PRKN: variants seen among roughly 807,000 people sequenced by gnomAD.
PRKN encodes the protein E3 ubiquitin-protein ligase parkin.
Under a neutral mutation model 59.5 loss-of-function variants are expected in PRKN, and 56 were observed. That is an observed-to-expected ratio of 0.94 (90% CI 0.76 to 1.18). The LOEUF (loss-of-function observed/expected upper bound fraction) is 1.18, where lower values mean the gene tolerates loss of function less well. PRKN is among the 50% of genes most tolerant of loss of function. The probability of loss-of-function intolerance (pLI) is 0.00; values close to 1 mark genes in which losing one functional copy is unlikely to be tolerated. For synonymous variants in PRKN, 250 were observed against 222.1 expected (o/e 1.13, Z -1.12); for missense variants, 657 against 596.4 (o/e 1.10, Z -1.06).
intron 7 of PRKN, among the ~76,000 whole-genome samples, chr6:161,672,331 T>C (rs1784938512): frequency 6.6e-6 from 1 of 152,184 alleles, no homozygotes; most frequent in South Asian, 2.1e-4. Context: ...ATAATAAAAC[T>C]TTATGCCCAT....
chr6:161,770,292 C>T (rs1252688839), intron 7 of PRKN, among the ~76,000 whole-genome samples: 1 of 152,116 alleles, frequency 6.6e-6, no homozygotes, highest in African/African-American at 2.4e-5. Flanking sequence ...AGAGGGCTCA[C>T]GTTCAATAGG....
At chr6:161,486,595 C>T (rs1184761155) in intron 9 of PRKN, among the ~76,000 whole-genome samples, 1 of 152,116 alleles carries the variant, frequency 6.6e-6, no homozygotes, top group South Asian at 2.1e-4. Context: ...TTTAAGCCTG[C>T]GTTCTTTTTG....
Position 161,808,034 on chromosome 6 carries a change from T to A in PRKN, c.735-22126A>T, listed in dbSNP as rs562106245. ...AGTTCCTGTATTGTGCGATCTTGAA[T>A]TTTCCAGAGTAATTGACTTAATCTA... is the stretch of plus-strand genomic sequence containing the variant. On this transcript the variant is annotated intron_variant, in intron 6 of 11. Transcript: ENST00000366898. Among the ~76,000 whole-genome samples the A allele has an allele frequency of 2.6e-5, 4 of 152,286 alleles. No individual in the cohort carries two copies. In the South Asian group the frequency reaches 8.3e-4, roughly 32 times the overall value.
intron 6 of PRKN, among the ~76,000 whole-genome samples, chr6:161,858,858 C>CTTTTGTTTTTT (rs1793765586): frequency 1.4e-5 from 1 of 71,936 alleles, no homozygotes; most frequent in Non-Finnish European, 2.7e-5. Context: ...CACAGCTGTA[C>CTTTTGTTTTTT]TTTTTTTTTT....
Position 162,119,330 on chromosome 6 carries a change from C to T in PRKN, c.535-65156G>A, listed in dbSNP as rs1425344618. The stretch of plus-strand genomic sequence containing the variant: ...CAGGGAAAGGACTGTGAATAAGCTG[C>T]CAACCTGTGTTTTGCCTTGAAGGCT... On this transcript the variant is annotated intron_variant, in intron 4 of 11. Transcript: ENST00000366898. Among the ~76,000 whole-genome samples, 5 of 152,188 alleles carry T rather than the reference C, an allele frequency of 3.3e-5. No individual in the cohort carries two copies. The East Asian group carries it at 9.6e-4, about 29-fold the overall frequency.
chr6:162,672,719 T>C (rs866183978), intron 1 of PRKN, among the ~76,000 whole-genome samples: 16 of 148,440 alleles, frequency 1.1e-4, no homozygotes, highest in Middle Eastern at 3.4e-3. Flanking sequence ...TGTGTGTGTG[T>C]ATGCATGTGT....
At chr6:161,863,423 T>C (rs1793987805) in intron 6 of PRKN, among the ~76,000 whole-genome samples, 1 of 152,184 alleles carries the variant, frequency 6.6e-6, no homozygotes, top group South Asian at 2.1e-4. Flanking sequence ...ATTAATTTAA[T>C]GCCAAAAAAT....
At chr6:162,456,511 CAT>C (rs71772612) in intron 1 of PRKN, among the ~76,000 whole-genome samples, 13,119 of 152,124 alleles carry the variant, frequency 0.086, 624 homozygotes, top group South Asian at 0.17. Context: ...AATTCTTATA[CAT>C]GTTTTTGTTG....
intron 1 of PRKN, among the ~76,000 whole-genome samples, chr6:162,622,426 T>C (rs763158774): frequency 3.8e-4 from 58 of 152,190 alleles, no homozygotes; most frequent in Non-Finnish European, 7.2e-4. Context: ...TCAGGTCATC[T>C]GCCCACCTTG....
At chr6:161,826,815 G>A (rs6908991) in intron 6 of PRKN, among the ~76,000 whole-genome samples, 99,212 of 151,688 alleles carry the variant, frequency 0.65, 32,543 homozygotes, top group Middle Eastern at 0.74. Context: ...TGAGTTTTAG[G>A]GGAGAAAGTC....
At chr6:161,392,504 C>CCT (rs67425763) in intron 9 of PRKN, among the ~76,000 whole-genome samples, 16,262 of 145,264 alleles carry the variant, frequency 0.11, 960 homozygotes, top group Middle Eastern at 0.14. Context: ...ATAGTTCAAA[C>CCT]CTCTCTCTCT....
chr6:162,335,986 G>A (rs887259944), intron 2 of PRKN, among the ~76,000 whole-genome samples: 1 of 151,440 alleles, frequency 6.6e-6, no homozygotes, highest in African/African-American at 2.4e-5. Context: ...CACACACCTT[G>A]GCTTTCTCTG....
intron 4 of PRKN, among the ~76,000 whole-genome samples, chr6:162,157,637 T>C (rs1190613617): frequency 6.6e-6 from 1 of 151,700 alleles, no homozygotes; most frequent in African/African-American, 2.4e-5. Context: ...GCCTCAATTA[T>C]ACTCTTTCAG....
intron 4 of PRKN, among the ~76,000 whole-genome samples, chr6:162,187,931 T>C (rs948636795): frequency 2.6e-5 from 4 of 152,132 alleles, no homozygotes; most frequent in Non-Finnish European, 4.4e-5. Context: ...TCATCTTAAA[T>C]TGTAACTCCC....
At chr6:161,766,462 C>T (rs765856244) in intron 7 of PRKN, among the ~76,000 whole-genome samples, 3 of 152,112 alleles carry the variant, frequency 2.0e-5, no homozygotes, top group Non-Finnish European at 2.9e-5. Context: ...TGCACGCCAC[C>T]ATGCCCAGCT....
intron 7 of PRKN, among the ~76,000 whole-genome samples, chr6:161,784,312 G>C (rs896890618): frequency 9.2e-5 from 14 of 152,136 alleles, no homozygotes; most frequent in Non-Finnish European, 1.9e-4. Flanking sequence ...ATCAAAACTA[G>C]AAACTTTTGT....
intron 9 of PRKN, among the ~76,000 whole-genome samples, chr6:161,449,529 C>G (rs1789633906): frequency 6.6e-6 from 1 of 152,188 alleles, no homozygotes; most frequent in Non-Finnish European, 1.5e-5. Context: ...AAAAGACTCT[C>G]TTTTCATGTT....
intron 4 of PRKN, among the ~76,000 whole-genome samples, chr6:162,113,311 C>T (rs959305455): frequency 6.6e-6 from 1 of 152,158 alleles, no homozygotes; most frequent in African/African-American, 2.4e-5. Flanking sequence ...AAGGATTATT[C>T]AACAAATTAT....
intron 4 of PRKN, among the ~76,000 whole-genome samples, chr6:162,082,571 C>T (rs1452744101): frequency 6.6e-6 from 1 of 151,976 alleles, no homozygotes; most frequent in Non-Finnish European, 1.5e-5. Context: ...AGGAATTTTC[C>T]TTTGCATTCT....
Sources: gnomAD v4.1 joint callset for allele counts (sites outside exome capture counted in the v4.1 genomes callset) on GRCh38, gnomAD v4.1.1 for gene constraint, MANE v1.5 for transcripts, NCBI Gene and HGNC (gene_info 2026-07-23, HGNC 2026-07-21) for gene names.